Variants in SYTL5 observed in about 807,000 individuals in gnomAD.
SYTL5 encodes the protein synaptotagmin like 5.
Under a neutral mutation model 55.9 loss-of-function variants are expected in SYTL5, and 34 were observed. The ratio of observed to expected loss-of-function variants is 0.61; its 90% CI spans 0.46 to 0.81. The LOEUF (loss-of-function observed/expected upper bound fraction) is 0.81. Ranked by LOEUF, SYTL5 falls within the 30% of genes least tolerant of loss-of-function variation. The pLI is 0.00. For missense variants in SYTL5, 637 were observed against 546.7 expected (o/e 1.17, Z -1.65); for synonymous variants, 221 against 188.7 (o/e 1.17, Z -1.40).
At chrX:37,987,813 A>G in the SYTL5 span, among the ~76,000 whole-genome samples, 1 of 112,079 alleles carries the variant, frequency 8.9e-6, no homozygotes, top group Admixed American at 9.4e-5. Flanking sequence ...ACAGTCCAGA[A>G]CAGTGGGACA....
chrX:38,108,206 T>A (rs1176474447), intron 11 of SYTL5, among the ~76,000 whole-genome samples: 1 of 112,167 alleles, frequency 8.9e-6, no homozygotes, highest in Admixed American at 9.4e-5. Flanking sequence ...TAGTACAATA[T>A]GGTAGCTCCT....
chrX:37,926,550 C>T, the SYTL5 span, among the ~76,000 whole-genome samples: 1 of 110,750 alleles, frequency 9.0e-6, no homozygotes, highest in Non-Finnish European at 1.9e-5. Context: ...AAATTTTAAT[C>T]AAATAAAATT....
the SYTL5 span, among the ~76,000 whole-genome samples, chrX:37,950,255 G>A: frequency 1.6e-4 from 18 of 110,796 alleles, no homozygotes; most frequent in Non-Finnish European, 3.2e-4. Flanking sequence ...ATGCTTCTGG[G>A]ACCCTTTCTG....
chrX:37,978,088 G>T, the SYTL5 span, among the ~76,000 whole-genome samples: 3 of 111,459 alleles, frequency 2.7e-5, no homozygotes, highest in Non-Finnish European at 3.8e-5. Flanking sequence ...AAACCAAAAA[G>T]AACCCAGTAA....
At chrX:37,953,518 C>T in the SYTL5 span, among the ~76,000 whole-genome samples, 1 of 111,380 alleles carries the variant, frequency 9.0e-6, no homozygotes, top group Non-Finnish European at 1.9e-5. Context: ...CCCTCAGACT[C>T]TCTGTTTTTT....
rs1937725110 is a variant in SYTL5 at position 38,128,575 on chromosome X, A to G, written c.*1845A>G. The G allele has an allele frequency of 8.9e-6, 1 of 111,811 alleles. No individual in the cohort carries two copies. Among genetic ancestry groups the G allele is most frequent in the Non-Finnish European group, 1.9e-5 (1 of 53,185 alleles). 9.2% of individuals were successfully genotyped at this position (111,811 alleles called of 1,213,427 possible). ...ATTTCATCTTGAATTTTGAAAACTGATTTAAGAATATATTTAGTATTATTA... is the reference window on the plus strand; with the variant it reads ...ATTTCATCTTGAATTTTGAAAACTGGTTTAAGAATATATTTAGTATTATTA... On this transcript the variant is annotated 3_prime_UTR_variant, in exon 17 of 17. Transcript: ENST00000297875.
chrX:37,913,894 CCAAA>C, the SYTL5 span, among the ~76,000 whole-genome samples: 45 of 112,087 alleles, frequency 4.0e-4, 2 homozygotes, highest in Admixed American at 3.9e-3. Flanking sequence ...TATCACTTCC[CCAAA>C]CAAACTACCT....
the SYTL5 span, among the ~76,000 whole-genome samples, chrX:37,924,266 C>A: frequency 2.7e-5 from 3 of 111,543 alleles, no homozygotes; most frequent in African/African-American, 9.8e-5. Context: ...GGGTTCAAAT[C>A]CTACCTCTGA....
At chrX:38,008,839 A>C (rs939225037) in intron 1 of SYTL5, among the ~76,000 whole-genome samples, 4 of 111,807 alleles carry the variant, frequency 3.6e-5, no homozygotes, top group Non-Finnish European at 7.5e-5. Flanking sequence ...TCATCCATTC[A>C]ATAAATATTT....
At chrX:38,014,224 TATA>T (rs1249670042) in intron 1 of SYTL5, among the ~76,000 whole-genome samples, 1 of 112,353 alleles carries the variant, frequency 8.9e-6, no homozygotes, top group African/African-American at 3.2e-5. Context: ...TTATGTTATA[TATA>T]ATATTGTTGT....
upstream of SYTL5, among the ~76,000 whole-genome samples, chrX:38,004,404 C>T (rs978169985): frequency 9.0e-6 from 1 of 111,598 alleles, no homozygotes; most frequent in African/African-American, 3.3e-5. Flanking sequence ...ACCATATGAT[C>T]CAGCAATCCC....
intron 1 of SYTL5, among the ~76,000 whole-genome samples, chrX:38,022,503 C>A (rs1934591318): frequency 1.8e-5 from 2 of 111,817 alleles, no homozygotes; most frequent in Admixed American, 1.9e-4. Flanking sequence ...AGGCCATCTG[C>A]ATTCCTTGGC....
the SYTL5 span, among the ~76,000 whole-genome samples, chrX:37,959,196 A>T: frequency 8.9e-6 from 1 of 111,773 alleles, no homozygotes; most frequent in Admixed American, 9.4e-5. Flanking sequence ...GGCTCCTCAC[A>T]AGAGGGCATT....
chrX:38,060,966 T>C (rs1935926678), intron 3 of SYTL5, among the ~76,000 whole-genome samples: 1 of 112,051 alleles, frequency 8.9e-6, no homozygotes, highest in Non-Finnish European at 1.9e-5. Flanking sequence ...CACACATTTA[T>C]TGATAACCTG....
chrX:38,054,291 C>T lies in SYTL5; in HGVS notation c.198C>T (p.His66=). 1 of 1,211,317 alleles carries T rather than the reference C, an allele frequency of 8.3e-7. No homozygotes were observed. Among genetic ancestry groups the T allele is most frequent in the South Asian group, 1.8e-5 (1 of 56,976 alleles). ...AAGAGGCCAGCAGAGTTTGTGTTCA[C>T]TGTCACAGAAACCTGGGCCTAATCT... ...TQQEASRVCV[H]CHRNLGLIFD... Residue 66 remains histidine, a synonymous_variant, in exon 3 of 17, where the codon CAC becomes CAT. Transcript: ENST00000297875.
At chrX:37,980,236 G>A in the SYTL5 span, among the ~76,000 whole-genome samples, 1 of 112,091 alleles carries the variant, frequency 8.9e-6, no homozygotes, top group Non-Finnish European at 1.9e-5. Context: ...TCATGGAAGT[G>A]TTTTCATGCA....
intron 13 of SYTL5, among the ~76,000 whole-genome samples, chrX:38,114,473 G>C (rs1937437354): frequency 8.9e-6 from 1 of 111,754 alleles, no homozygotes. Flanking sequence ...ACCAGTAGTA[G>C]GTCAGTTAAT....
the SYTL5 span, among the ~76,000 whole-genome samples, chrX:37,998,326 C>T: frequency 3.2e-3 from 355 of 112,037 alleles, no homozygotes; most frequent in African/African-American, 0.01. Flanking sequence ...GAGTTTTGGC[C>T]CTTCGGGGAG....
At chrX:37,920,285 A>G in the SYTL5 span, among the ~76,000 whole-genome samples, 1 of 110,847 alleles carries the variant, frequency 9.0e-6, no homozygotes, top group African/African-American at 3.3e-5. Context: ...AATATTTGGG[A>G]CGAGGTCTGA....
Sources: allele counts gnomAD v4.1 joint callset (sites outside exome capture counted in the v4.1 genomes callset), GRCh38; gene constraint gnomAD v4.1.1; transcripts MANE v1.5; gene names NCBI Gene and HGNC (gene_info 2026-07-23, HGNC 2026-07-21).